The following LARP1 variants were observed in gnomAD, a reference collection of about 807,000 sequenced individuals.
LARP1 encodes La ribonucleoprotein 1, translational regulator.
LARP1 carries 36 observed loss-of-function variants against 122.7 expected under a neutral mutation model. That is an observed-to-expected ratio of 0.29 (90% CI 0.22 to 0.39). The LOEUF (loss-of-function observed/expected upper bound fraction) is 0.39. Among genes scored for constraint, LARP1 ranks in the 10% least tolerant of loss-of-function variants. The pLI, the probability that LARP1 is intolerant of heterozygous loss-of-function variation, is 1.00. For missense variants in LARP1, 1,040 were observed against 1,403.6 expected, an observed-to-expected ratio of 0.74 and a Z score of 4.14; for synonymous variants, 539 against 528.7, an observed-to-expected ratio of 1.02 and a Z score of -0.27.
rs769338468 is a variant in LARP1, at chr5:154,793,829, G to GC, written c.906dup (p.Thr303HisfsTer19). ...TGAGTCTGCCACCTACGTGCCCGTGGCCCCCCCCACCCCAGCCTGGCAACC... is the reference window on the plus strand; with the variant it reads ...TGAGTCTGCCACCTACGTGCCCGTGGCCCCCCCCCACCCCAGCCTGGCAACC... On this transcript the variant is annotated frameshift_variant, in exon 6 of 19. Coordinates refer to ENST00000518297, the MANE Select transcript of LARP1 (RefSeq NM_033551.3). LOFTEE classifies it high-confidence loss of function. 97 of 1,612,738 alleles carry GC rather than the reference G, an allele frequency of 6.0e-5. No individual in the cohort carries two copies. The highest frequency in any genetic ancestry group is 1.7e-5 in the Admixed American group (1 of 59,930).
chr5:154,712,025 A>C (rs1365456309), upstream of LARP1, among the ~76,000 whole-genome samples: 2 of 152,198 alleles, frequency 1.3e-5, no homozygotes, highest in Non-Finnish European at 2.9e-5. Flanking sequence ...GCTTGTTTAT[A>C]TCTAGATCCC....
chr5:154,736,775 A>G (rs1756928427), intron 1 of LARP1, among the ~76,000 whole-genome samples: 2 of 151,822 alleles, frequency 1.3e-5, no homozygotes, highest in Admixed American at 6.6e-5. Context: ...CATGTTGGCC[A>G]GGCTGGTTTC....
rs1309499383 is a variant in LARP1, at chr5:154,691,269, A to AC, written c.-180+8232_-180+8233insC. 5.3e-5 allele frequency among the ~76,000 whole-genome samples: 8 copies of AC among 151,286 alleles called. 1 individual carries two copies. Among genetic ancestry groups the AC allele is most frequent in the African/African-American group, 1.9e-4 (8 of 41,170 alleles). ...AGAGGGAGACTCCGTCTCAAAAAAAAAAAAAAGAAAGAAAGTATCAGACTT... is the reference window on the plus strand; with the variant it reads ...AGAGGGAGACTCCGTCTCAAAAAAAACAAAAAAGAAAGAAAGTATCAGACTT... On this transcript the variant is annotated intron_variant, in intron 1 of 18. Coordinates refer to the LARP1 transcript ENST00000687700.
At chr5:154,767,457 A>C (rs1368782624) in intron 1 of LARP1, among the ~76,000 whole-genome samples, 1 of 152,166 alleles carries the variant, frequency 6.6e-6, no homozygotes, top group African/African-American at 2.4e-5. Flanking sequence ...ATACACAGGA[A>C]GGTAGCCTAC....
chr5:154,700,853 A>G (rs1227039681), intron 1 of LARP1, among the ~76,000 whole-genome samples: 2 of 151,960 alleles, frequency 1.3e-5, no homozygotes, highest in Admixed American at 6.6e-5. Context: ...GCTACTGGGG[A>G]GGCTGAGGCA....
In LARP1 at chr5:154,744,616, A is replaced by ATTT. The variant is rs748853573; in HGVS notation, c.205+31523_205+31525dup. Among the ~76,000 whole-genome samples the ATTT allele has an allele frequency of 3.1e-3, 225 of 71,994 alleles. 63 individuals are homozygous for ATTT. Among genetic ancestry groups the ATTT allele is most frequent in the Non-Finnish European group, 4.9e-3 (172 of 35,052 alleles). The allele number at this position is 71,994 out of a possible 152,430, so 47.2% of individuals were successfully genotyped here. ...CAGGGGAAAGGGCATTGGATATGCA[A>ATTT]TTTTTTTTTTTTTTTTTTTTTTTTT... On this transcript the variant is annotated intron_variant, in intron 1 of 18. Coordinates refer to the LARP1 transcript ENST00000336314.
chr5:154,734,303 A>G (rs1756757864), intron 1 of LARP1, among the ~76,000 whole-genome samples: 1 of 152,200 alleles, frequency 6.6e-6, no homozygotes, highest in South Asian at 2.1e-4. Context: ...ATTTCAAATT[A>G]TATACAAAAT....
At chr5:154,796,869 C>G (rs1312723781) in intron 8 of LARP1, among the ~76,000 whole-genome samples, 1 of 152,150 alleles carries the variant, frequency 6.6e-6, no homozygotes, top group Non-Finnish European at 1.5e-5. Flanking sequence ...ATGAGTTGAT[C>G]TCTAATAGGT....
chr5:154,812,525 CTTT>C (rs763157777), intron 18 of LARP1, among the ~76,000 whole-genome samples: 2 of 101,744 alleles, frequency 2.0e-5, no homozygotes, highest in Admixed American at 1.1e-4. Flanking sequence ...CCCACCCCCC[CTTT>C]TTTTTTTTGG....
chr5:154,748,668 G>A, intron 1 of LARP1, among the ~76,000 whole-genome samples: 1 of 152,206 alleles, frequency 6.6e-6, no homozygotes, highest in African/African-American at 2.4e-5. Flanking sequence ...CATATACTCT[G>A]CTATACATGT....
chr5:154,779,118 C>A (rs1041419623), intron 1 of LARP1, among the ~76,000 whole-genome samples: 3 of 152,148 alleles, frequency 2.0e-5, no homozygotes, highest in East Asian at 1.9e-4. Context: ...ACTATTACTT[C>A]ATTTAATCTG....
chr5:154,808,926 A>G (rs1759017651), intron 16 of LARP1, among the ~76,000 whole-genome samples: 1 of 152,126 alleles, frequency 6.6e-6, no homozygotes, highest in Admixed American at 6.5e-5. Context: ...GTAGTCTTCC[A>G]TGCCACTACC....
intron 2 of LARP1, 42 bp downstream of exon 2, chr5:154,790,428 T>G: frequency 6.3e-7 from 1 of 1,576,484 alleles, no homozygotes; most frequent in African/African-American, 1.4e-5. Flanking sequence ...CTTTCTGGAG[T>G]TGGTGGCCTC....
chr5:154,745,278 G>C (rs1753130431), intron 1 of LARP1, among the ~76,000 whole-genome samples: 1 of 152,186 alleles, frequency 6.6e-6, no homozygotes, highest in South Asian at 2.1e-4. Flanking sequence ...CTAGCAGTGT[G>C]ACTTCAGATA....
chr5:154,688,375 G>A (rs553589099), intron 1 of LARP1, among the ~76,000 whole-genome samples: 3 of 152,068 alleles, frequency 2.0e-5, no homozygotes, highest in Non-Finnish European at 4.4e-5. Flanking sequence ...AATTAGCTGG[G>A]CAGGCCAGGC....
chr5:154,740,621 A>G (rs2113456697), intron 1 of LARP1, among the ~76,000 whole-genome samples: 1 of 152,278 alleles, frequency 6.6e-6, no homozygotes, highest in East Asian at 1.9e-4. Context: ...CTGGAATTCC[A>G]CCCAGGCAGC....
At chr5:154,775,819 T>C (rs544845731) in intron 1 of LARP1, among the ~76,000 whole-genome samples, 1 of 152,326 alleles carries the variant, frequency 6.6e-6, no homozygotes, top group South Asian at 2.1e-4. Context: ...TTTCATATCC[T>C]TGGAGTCAGA....
At chr5:154,717,334 A>C (rs1289851207) in intron 1 of LARP1, among the ~76,000 whole-genome samples, 1 of 151,878 alleles carries the variant, frequency 6.6e-6, no homozygotes, top group African/African-American at 2.4e-5. Context: ...TGGTTATTCA[A>C]CCTCTGCATT....
At chr5:154,790,898 A>G (rs577244580) in intron 3 of LARP1, among the ~76,000 whole-genome samples, 188 bp downstream of exon 3, 1 of 150,128 alleles carries the variant, frequency 6.7e-6, no homozygotes, top group Non-Finnish European at 1.5e-5. Context: ...GCTCACTGCA[A>G]CCTCCACCTC....
Sources: allele counts gnomAD v4.1 joint callset (sites outside exome capture counted in the v4.1 genomes callset), GRCh38; gene constraint gnomAD v4.1.1; transcripts MANE v1.5; gene names NCBI Gene and HGNC (gene_info 2026-07-23, HGNC 2026-07-21).